DIS3L2: variants seen among roughly 807,000 people sequenced by gnomAD.
DIS3L2 encodes the protein DIS3 like 3'-5' exoribonuclease 2.
In DIS3L2, 34 loss-of-function variants were observed where a neutral mutation model predicts 97.5. The ratio of observed to expected loss-of-function variants is 0.35; its 90% CI spans 0.27 to 0.46. The LOEUF is 0.46. DIS3L2 is among the 20% of genes least tolerant of loss of function. The pLI is 1.00. For synonymous variants in DIS3L2, 435 were observed against 445.2 expected (o/e 0.98, Z 0.29); for missense variants, 1,038 against 1,146.0 (o/e 0.91, Z 1.36).
At chr2:232,083,840 G>A (rs756233642) in intron 5 of DIS3L2, among the ~76,000 whole-genome samples, 15 of 152,082 alleles carry the variant, frequency 9.9e-5, no homozygotes, top group Non-Finnish European at 1.6e-4. Flanking sequence ...TAGACCAACT[G>A]CAGCATGACA....
intron 5 of DIS3L2, among the ~76,000 whole-genome samples, chr2:232,086,347 A>G (rs1349760501): frequency 1.6e-5 from 2 of 121,284 alleles, no homozygotes; most frequent in African/African-American, 3.3e-5. Flanking sequence ...ATATACATAT[A>G]TGTATATATA....
At chr2:232,015,380 T>TA (rs1694323871) in intron 2 of DIS3L2, 134 bp from the exon 3 acceptor site, 1 of 1,217,642 alleles carries the variant, frequency 8.2e-7, no homozygotes, top group East Asian at 2.5e-5. Context: ...TTGTTATTGT[T>TA]AAAAATCACC....
chr2:232,167,852 C>T (rs1445213186), intron 9 of DIS3L2, among the ~76,000 whole-genome samples: 1 of 152,132 alleles, frequency 6.6e-6, no homozygotes, highest in Non-Finnish European at 1.5e-5. Context: ...GAGTTCGAGA[C>T]CAGCCTGGCC....
At chr2:231,989,675 A>G (rs889285426) in intron 1 of DIS3L2, among the ~76,000 whole-genome samples, 1 of 151,984 alleles carries the variant, frequency 6.6e-6, no homozygotes, top group African/African-American at 2.4e-5. Flanking sequence ...CTCTACAAAA[A>G]AGTAGAAAAA....
intron 5 of DIS3L2, among the ~76,000 whole-genome samples, chr2:232,069,413 A>G (rs1002112120): frequency 1.3e-5 from 2 of 152,218 alleles, no homozygotes; most frequent in African/African-American, 4.8e-5. Flanking sequence ...TTATCAGTGT[A>G]GTGTTCTATG....
At chr2:232,034,548 A>T (rs1264525242) in intron 5 of DIS3L2, among the ~76,000 whole-genome samples, 1 of 152,018 alleles carries the variant, frequency 6.6e-6, no homozygotes, top group Non-Finnish European at 1.5e-5. Flanking sequence ...TAGTTCATTT[A>T]ATTGTGATGT....
Position 232,245,255 on chromosome 2 carries a change from A to G in DIS3L2, c.1318-3984A>G, listed in dbSNP as rs562036172. On this transcript the variant is annotated intron_variant, in intron 11 of 20. Transcript: ENST00000325385. Reference sequence around the variant, plus strand: ...GCTCTCAGGAACCATCGCAGGCCTCATGTAGCTGACCTGGGTGCATGGACT... The same window carrying G: ...GCTCTCAGGAACCATCGCAGGCCTCGTGTAGCTGACCTGGGTGCATGGACT... Among the ~76,000 whole-genome samples, 12 of 152,326 alleles carry G rather than the reference A, an allele frequency of 7.9e-5. No homozygotes were observed. In the East Asian group the frequency reaches 2.3e-3, roughly 29 times the overall value.
intron 1 of DIS3L2, among the ~76,000 whole-genome samples, chr2:231,988,084 C>G (rs886700664): frequency 6.6e-6 from 1 of 152,198 alleles, no homozygotes; most frequent in African/African-American, 2.4e-5. Context: ...CTCAGGTGAT[C>G]CACCTGCCTC....
In DIS3L2 at chr2:232,277,558, AT is replaced by A. The variant is rs1476892079; in HGVS notation, c.1659+14122del. Reference sequence around the variant, plus strand: ...TTTATTATAAAAGTAATACATATTTATTTTATAAAAATTTAGAAATTGACCA... The same window carrying A: ...TTTATTATAAAAGTAATACATATTTATTTATAAAAATTTAGAAATTGACCA... On this transcript the variant is annotated intron_variant, in intron 13 of 20. Coordinates refer to ENST00000325385, the MANE Select transcript of DIS3L2 (RefSeq NM_152383.5). Among the ~76,000 whole-genome samples, 4 of 152,044 alleles carry A rather than the reference AT, an allele frequency of 2.6e-5. No individual in the cohort carries two copies. In the East Asian group the frequency reaches 5.8e-4, roughly 22 times the overall value.
chr2:232,329,789 T>TGGGCCCCC, intron 14 of DIS3L2, 24 bp from the exon 15 acceptor site: 2 of 368,622 alleles, frequency 5.4e-6, no homozygotes, highest in Middle Eastern at 8.3e-4. Flanking sequence ...CAGCGGTCCC[T>TGGGCCCCC]CCCATCCCAC....
At chr2:232,146,104 G>A (rs930241106) in intron 8 of DIS3L2, among the ~76,000 whole-genome samples, 2 of 152,046 alleles carry the variant, frequency 1.3e-5, no homozygotes, top group African/African-American at 4.8e-5. Flanking sequence ...ATGCTTTGTG[G>A]GCCTAGTTCA....
At chr2:232,153,711 G>T (rs1246162973) in intron 8 of DIS3L2, among the ~76,000 whole-genome samples, 3 of 143,484 alleles carry the variant, frequency 2.1e-5, no homozygotes, top group African/African-American at 8.1e-5. Context: ...GTATCTTTGT[G>T]GCGTTCTCTG....
intron 14 of DIS3L2, among the ~76,000 whole-genome samples, chr2:232,315,504 G>A (rs1695247379): frequency 6.6e-6 from 1 of 152,058 alleles, no homozygotes. Flanking sequence ...TGTGCTATCT[G>A]TGGGGTAGTG....
chr2:232,038,619 T>G (rs1695019598), intron 5 of DIS3L2, among the ~76,000 whole-genome samples: 1 of 152,196 alleles, frequency 6.6e-6, no homozygotes, highest in Non-Finnish European at 1.5e-5. Context: ...TTTTCCTTGT[T>G]TCTCACCCCC....
intron 9 of DIS3L2, among the ~76,000 whole-genome samples, chr2:232,174,713 C>A (rs184188046): frequency 6.6e-6 from 1 of 151,914 alleles, no homozygotes; most frequent in Non-Finnish European, 1.5e-5. Flanking sequence ...AATTTAGATG[C>A]CTTTTATTTC....
At chr2:232,316,790 A>G (rs114862240) in intron 14 of DIS3L2, among the ~76,000 whole-genome samples, 1,721 of 152,320 alleles carry the variant, frequency 0.011, 31 homozygotes, top group African/African-American at 0.038. Context: ...CTTTAGTTTA[A>G]CAGCCCTCCA....
chr2:232,071,886 A>C (rs977574157), intron 5 of DIS3L2, among the ~76,000 whole-genome samples: 44 of 152,190 alleles, frequency 2.9e-4, no homozygotes, highest in Non-Finnish European at 8.8e-5. Context: ...ATGTTTTTGA[A>C]TAAGAGGATA....
Position 232,282,714 on chromosome 2 carries a change from C to G in DIS3L2, c.1660-17326C>G, listed in dbSNP as rs1437379157. Among the ~76,000 whole-genome samples, 2 of 152,354 alleles carry G rather than the reference C, an allele frequency of 1.3e-5. 1 individual carries two copies. The highest frequency in any genetic ancestry group is 2.9e-5 in the Non-Finnish European group (2 of 68,040). Reference sequence around the variant, plus strand: ...TCAATCACACATCTGACCCCTGCCTCTCTTTCGCACTGGCCCCTTCTCTGT... The same window carrying G: ...TCAATCACACATCTGACCCCTGCCTGTCTTTCGCACTGGCCCCTTCTCTGT... On this transcript the variant is annotated intron_variant, in intron 13 of 20. Transcript: ENST00000325385.
chr2:231,984,410 G>T (rs1350361714), intron 1 of DIS3L2, among the ~76,000 whole-genome samples: 1 of 135,920 alleles, frequency 7.4e-6, no homozygotes, highest in Non-Finnish European at 1.6e-5. Context: ...TTTTTGAGAC[G>T]GAGTCTGGCT....
Sources: allele counts gnomAD v4.1 joint callset (sites outside exome capture counted in the v4.1 genomes callset), GRCh38; gene constraint gnomAD v4.1.1; transcripts MANE v1.5; gene names NCBI Gene and HGNC (gene_info 2026-07-23, HGNC 2026-07-21).